The following ARFGEF2 variants were observed in gnomAD, a reference collection of about 807,000 sequenced individuals.
The protein encoded by ARFGEF2 is ARF guanine nucleotide exchange factor 2.
In ARFGEF2, 74 loss-of-function variants were observed where a neutral mutation model predicts 219.9. That is an observed-to-expected ratio of 0.34 (90% CI 0.28 to 0.41). The LOEUF is 0.41. ARFGEF2 is among the 10% of genes least tolerant of loss of function. ARFGEF2 has a pLI of 1.00. For missense variants in ARFGEF2, 1,743 were observed against 2,218.3 expected, an observed-to-expected ratio of 0.79 and a Z score of 4.30; for synonymous variants, 733 against 799.2, an observed-to-expected ratio of 0.92 and a Z score of 1.40.
chr20:48,964,136 C>T (rs1436351780), intron 7 of ARFGEF2, among the ~76,000 whole-genome samples: 3 of 152,182 alleles, frequency 2.0e-5, no homozygotes, highest in African/African-American at 4.8e-5. Context: ...GGGCCAGGCG[C>T]GGTGGCTCAT....
intron 28 of ARFGEF2, 42 bp downstream of exon 28, chr20:49,012,126 A>G (rs1568737196): frequency 6.2e-7 from 1 of 1,613,600 alleles, no homozygotes; most frequent in East Asian, 2.2e-5. Flanking sequence ...AGTGAAGGGA[A>G]AAGGTCATGG....
chr20:48,983,703 C>T (rs950202411), intron 14 of ARFGEF2, among the ~76,000 whole-genome samples: 13 of 152,224 alleles, frequency 8.5e-5, no homozygotes, highest in South Asian at 6.2e-4. Context: ...GGCTTTTTTC[C>T]ATCCCTCAGA....
intron 14 of ARFGEF2, among the ~76,000 whole-genome samples, chr20:48,983,284 TTA>T (rs925970370): frequency 2.0e-5 from 3 of 152,188 alleles, no homozygotes; most frequent in Admixed American, 6.5e-5. Context: ...TGGCAAATCT[TTA>T]TGTTTCTTTC....
At chr20:49,023,877 A>G (rs2091584472) in intron 35 of ARFGEF2, among the ~76,000 whole-genome samples, 1 of 152,118 alleles carries the variant, frequency 6.6e-6, no homozygotes, top group Non-Finnish European at 1.5e-5. Flanking sequence ...GGAGGAAAAG[A>G]TATATATAAA....
chr20:48,975,474 T>C (rs534543180), intron 13 of ARFGEF2, among the ~76,000 whole-genome samples: 2 of 152,302 alleles, frequency 1.3e-5, no homozygotes, highest in South Asian at 4.1e-4. Context: ...TGATCTTTTT[T>C]TGCCTTTTTT....
chr20:49,015,630 G>A (rs1008942161), intron 30 of ARFGEF2, among the ~76,000 whole-genome samples: 1 of 152,144 alleles, frequency 6.6e-6, no homozygotes, highest in African/African-American at 2.4e-5. Context: ...CTTTTGATAC[G>A]TACCACTAAG....
intron 26 of ARFGEF2, among the ~76,000 whole-genome samples, chr20:49,006,814 A>G (rs768257864): frequency 9.9e-5 from 15 of 151,770 alleles, no homozygotes; most frequent in Middle Eastern, 3.5e-3. Context: ...TAGCTCACAT[A>G]GGAGCTGTCG....
Position 49,022,974 on chromosome 20 carries a change from CA to C in ARFGEF2, c.4625-76del, listed in dbSNP as rs991232421. On this transcript the variant is annotated intron_variant, in intron 34 of 38. Transcript: ENST00000371917. ...TTAAAAAAATAAATCATGCCTTGCA[CA>C]TAGTAGGAGCTCAGTGGATATTTCT... 1.9e-6 allele frequency: 3 copies of C among 1,586,236 alleles called. No homozygotes were observed. The Admixed American group carries it at 5.0e-5, about 26-fold the overall frequency.
intron 25 of ARFGEF2, among the ~76,000 whole-genome samples, 191 bp from the exon 26 acceptor site, chr20:49,004,879 C>T (rs1446891374): frequency 6.6e-6 from 1 of 152,166 alleles, no homozygotes; most frequent in African/African-American, 2.4e-5. Flanking sequence ...CTATGCAATA[C>T]TGATTTCGTC....
At chr20:48,942,529 G>C (rs2090999761) in intron 3 of ARFGEF2, among the ~76,000 whole-genome samples, 1 of 120,572 alleles carries the variant, frequency 8.3e-6, no homozygotes, top group Non-Finnish European at 1.6e-5. Context: ...TTGTTGCCCA[G>C]ACTGGAGTGC....
Position 49,010,284 on chromosome 20 carries a change from T to C in ARFGEF2, c.3637T>C (p.Ser1213Pro). ...CCGCTGCATTGCCCAGATGGTGAAC[T>C]CCCAGGCGGCCAACATCCGCTCAGG... ...AIRCIAQMVNSQAANIRSGWK... is the reference protein window; with the variant it reads ...AIRCIAQMVNPQAANIRSGWK... The change falls in exon 27 of 39, where the codon TCC becomes CCC. Residue 1213 changes from serine to proline, a missense_variant. By Grantham distance (74) the Ser-to-Pro change is moderately conservative. Around this residue, in one of 5 missense-constraint regions of ARFGEF2, gnomAD observed 102 missense variants for 146.8 expected, o/e 0.69. Transcript: ENST00000371917. 6.2e-7 allele frequency: 1 copy of C among 1,614,216 alleles called. No individual in the cohort carries two copies. Among genetic ancestry groups the C allele is most frequent in the Non-Finnish European group, 8.5e-7 (1 of 1,180,048 alleles).
At chr20:48,989,112 C>T (rs958264102) in intron 18 of ARFGEF2, among the ~76,000 whole-genome samples, 173 bp from the exon 19 acceptor site, 1 of 152,122 alleles carries the variant, frequency 6.6e-6, no homozygotes, top group African/African-American at 2.4e-5. Flanking sequence ...TGACTTACCC[C>T]CTCTGCCTCA....
intron 14 of ARFGEF2, among the ~76,000 whole-genome samples, chr20:48,980,431 T>C (rs935194877): frequency 5.0e-4 from 75 of 149,738 alleles, no homozygotes; most frequent in Non-Finnish European, 6.9e-4. Context: ...ATAAGTGCAA[T>C]GTGGTGCTGA....
rs1600555335 is a variant in ARFGEF2, at chr20:49,023,095, T to C, written c.4669T>C (p.Leu1557=). Residue 1557 remains leucine, a synonymous_variant, in exon 35 of 39, where the codon TTG becomes CTG. Transcript: ENST00000371917. Reference sequence around the variant, plus strand: ...CCTCCTCATCAAGTGTGTGGTCCAGTTGGAATTGATACAGACCATTGACAA... The same window carrying C: ...CCTCCTCATCAAGTGTGTGGTCCAGCTGGAATTGATACAGACCATTGACAA... The part of the protein sequence containing the change: ...ASLLIKCVVQ[L]ELIQTIDNIV... 6.2e-7 allele frequency: 1 copy of C among 1,614,200 alleles called. No individual in the cohort carries two copies. The highest frequency in any genetic ancestry group is 1.1e-5 in the South Asian group (1 of 91,088).
At chr20:48,977,189 C>T (rs1377433517) in intron 14 of ARFGEF2, among the ~76,000 whole-genome samples, 2 of 145,258 alleles carry the variant, frequency 1.4e-5, no homozygotes, top group African/African-American at 2.6e-5. Flanking sequence ...TCTGAGTGTT[C>T]TCATTGTTTG....
intron 9 of ARFGEF2, among the ~76,000 whole-genome samples, chr20:48,969,671 G>A (rs1189846814): frequency 1.3e-5 from 2 of 152,352 alleles, no homozygotes; most frequent in Middle Eastern, 3.4e-3. Context: ...ACAGATGTAA[G>A]CCCCAGATTC....
chr20:48,951,573 G>A (rs2091071261), intron 4 of ARFGEF2, 104 bp downstream of exon 4: 3 of 1,473,458 alleles, frequency 2.0e-6, no homozygotes, highest in Non-Finnish European at 2.8e-6. Context: ...AGGTGGTGCT[G>A]AGGTGGAACA....
rs757674359 is a variant in ARFGEF2, at chr20:49,028,479, T to C, written c.4925-51T>C. The C allele has an allele frequency of 1.6e-5, 25 of 1,568,798 alleles. No individual in the cohort carries two copies. In the Admixed American group the frequency reaches 1.8e-4, roughly 12 times the overall value. On this transcript the variant is annotated intron_variant, in intron 36 of 38. Coordinates refer to ENST00000371917, the MANE Select transcript of ARFGEF2 (RefSeq NM_006420.3). ...CTAGATTTCTAGTCATACACAGTTA[T>C]CAGCATTATCTTAGAAATGTGCACT...
At chr20:48,984,594 G>A (rs1600633384) in intron 14 of ARFGEF2, 135 bp from the exon 15 acceptor site, 1 of 1,156,596 alleles carries the variant, frequency 8.6e-7, no homozygotes, top group Non-Finnish European at 1.3e-6. Context: ...AAGCTGCCAG[G>A]ACAGACATGA....
Sources: gnomAD v4.1 joint callset for allele counts (sites outside exome capture counted in the v4.1 genomes callset) on GRCh38, gnomAD v4.1.1 for gene constraint, gnomAD v4.1.1 regional missense constraint, MANE v1.5 for transcripts, NCBI Gene and HGNC (gene_info 2026-07-23, HGNC 2026-07-21) for gene names.